The following PLPPR1 variants were observed in gnomAD, a reference collection of about 807,000 sequenced individuals.
PLPPR1 encodes the protein phospholipid phosphatase related 1.
In PLPPR1, 10 loss-of-function variants were observed where a neutral mutation model predicts 33.1. The observed-to-expected ratio is 0.30, with a 90% CI of 0.19 to 0.51. The LOEUF is 0.51. Among genes scored for constraint, PLPPR1 ranks in the 20% least tolerant of loss-of-function variants. The pLI, the probability that PLPPR1 is intolerant of heterozygous loss-of-function variation, is 0.97. For missense variants in PLPPR1, 304 were observed against 408.1 expected (o/e 0.74, Z 2.20); for synonymous variants, 151 against 151.0 (o/e 1.00, Z 0.00).
intron 1 of PLPPR1, among the ~76,000 whole-genome samples, chr9:101,101,629 G>T (rs191180440): frequency 2.6e-5 from 4 of 152,052 alleles, no homozygotes; most frequent in Non-Finnish European, 5.9e-5. Flanking sequence ...TGAATAAATG[G>T]AATAAAAGGA....
intron 6 of PLPPR1, among the ~76,000 whole-genome samples, chr9:101,316,156 C>A (rs116366045): frequency 6.6e-6 from 1 of 152,004 alleles, no homozygotes; most frequent in African/African-American, 2.4e-5. Context: ...GTGTAGGGTC[C>A]TCGGGCGCGG....
chr9:101,069,659 T>C (rs1830460404), intron 1 of PLPPR1, among the ~76,000 whole-genome samples: 1 of 152,104 alleles, frequency 6.6e-6, no homozygotes, highest in Non-Finnish European at 1.5e-5. Context: ...AAGGCAGGTA[T>C]TTAAAAGTTC....
At position 101,224,520 on chromosome 9, in the gene PLPPR1, C is replaced by T. The variant is rs374029070; in HGVS notation, c.63+38963C>T. On this transcript the variant is annotated intron_variant, in intron 2 of 7. Transcript: ENST00000374874. ...GGGCATCGTGGTGACGGTTTCACTT[C>T]GGAAAGAAAACACACTATGAGCTCT... 2.9e-4 allele frequency among the ~76,000 whole-genome samples: 44 copies of T among 152,158 alleles called. 1 individual carries two copies. The South Asian group carries it at 3.3e-3, about 11-fold the overall frequency.
chr9:101,214,690 G>A (rs561404773), intron 2 of PLPPR1, among the ~76,000 whole-genome samples: 1 of 152,256 alleles, frequency 6.6e-6, no homozygotes, highest in South Asian at 2.1e-4. Context: ...AATAAACATT[G>A]GAAAGAATCA....
intron 2 of PLPPR1, among the ~76,000 whole-genome samples, chr9:101,214,771 C>T (rs1826755274): frequency 6.6e-6 from 1 of 151,962 alleles, no homozygotes; most frequent in African/African-American, 2.4e-5. Context: ...GCCTGTAATC[C>T]CAGCACTTGG....
At chr9:101,214,723 T>C (rs1826754465) in intron 2 of PLPPR1, among the ~76,000 whole-genome samples, 1 of 152,126 alleles carries the variant, frequency 6.6e-6, no homozygotes, top group Non-Finnish European at 1.5e-5. Context: ...ACTTTATAGC[T>C]TGAAAAGCTA....
chr9:101,069,116 A>G (rs1049897171), intron 1 of PLPPR1, among the ~76,000 whole-genome samples: 3 of 138,556 alleles, frequency 2.2e-5, no homozygotes, highest in African/African-American at 8.4e-5. Flanking sequence ...AAAGCAAGAA[A>G]ACAAACCAGC....
chr9:101,267,482 A>G (rs80118595), intron 2 of PLPPR1, among the ~76,000 whole-genome samples: 365 of 152,338 alleles, frequency 2.4e-3, no homozygotes, highest in Non-Finnish European at 3.7e-3. Context: ...AACACATGGA[A>G]GTGTCCAGAG....
At chr9:101,109,141 T>G (rs1389515516) in intron 1 of PLPPR1, among the ~76,000 whole-genome samples, 2 of 147,114 alleles carry the variant, frequency 1.4e-5, no homozygotes, top group Non-Finnish European at 3.0e-5. Flanking sequence ...TGTATTTTTT[T>G]TTTTTTTTTT....
intron 1 of PLPPR1, among the ~76,000 whole-genome samples, chr9:101,096,789 G>A (rs10819897): frequency 0.41 from 61,597 of 151,976 alleles, 12,824 homozygotes; most frequent in Non-Finnish European, 0.46. Context: ...AGCTGGCCAG[G>A]CACAGTGGTT....
intron 1 of PLPPR1, among the ~76,000 whole-genome samples, chr9:101,128,146 G>A (rs1442821065): frequency 6.6e-6 from 1 of 152,068 alleles, no homozygotes; most frequent in Non-Finnish European, 1.5e-5. Context: ...GGGGAACATG[G>A]GCTCTGTGTC....
intron 2 of PLPPR1, among the ~76,000 whole-genome samples, chr9:101,241,048 A>G (rs1416673986): frequency 2.0e-5 from 3 of 152,120 alleles, no homozygotes; most frequent in African/African-American, 7.2e-5. Flanking sequence ...TTTTGCTACC[A>G]TGTCTTCAAA....
intron 3 of PLPPR1, among the ~76,000 whole-genome samples, chr9:101,270,296 GT>G (rs33958406): frequency 0.055 from 8,254 of 151,422 alleles, 709 homozygotes; most frequent in African/African-American, 0.19. Context: ...TTAAAAAGAT[GT>G]TTTTTTTTAA....
intron 1 of PLPPR1, among the ~76,000 whole-genome samples, chr9:101,145,997 T>C (rs1225432871): frequency 6.6e-6 from 1 of 152,110 alleles, no homozygotes; most frequent in Non-Finnish European, 1.5e-5. Context: ...GCTTGGGTGA[T>C]AGAGCAACAG....
At chr9:101,200,872 AG>A (rs1464892553) in intron 2 of PLPPR1, among the ~76,000 whole-genome samples, 1 of 152,234 alleles carries the variant, frequency 6.6e-6, no homozygotes, top group Non-Finnish European at 1.5e-5. Context: ...ACAGAAAAAA[AG>A]TAAAGACTCA....
intron 2 of PLPPR1, among the ~76,000 whole-genome samples, chr9:101,248,955 A>G (rs1827663034): frequency 6.6e-6 from 1 of 152,082 alleles, no homozygotes; most frequent in Non-Finnish European, 1.5e-5. Context: ...CTTCCTACCA[A>G]AATACATCTG....
In PLPPR1 at chr9:101,173,861, C is replaced by T. The variant is rs377139877; in HGVS notation, c.-45-11589C>T. On this transcript the variant is annotated intron_variant, in intron 1 of 7. Coordinates refer to ENST00000374874, the MANE Select transcript of PLPPR1 (RefSeq NM_207299.2). ...CTATTGGCATTTTGAGGATAGAAGC[C>T]GGCAATATTACTAAACATCCAGCAA... Among the ~76,000 whole-genome samples the T allele has an allele frequency of 6.2e-4, 95 of 152,122 alleles. 1 individual carries two copies. The highest frequency in any genetic ancestry group is 2.1e-3 in the African/African-American group (86 of 41,510).
At chr9:101,039,243 T>C (rs1487177304) in intron 1 of PLPPR1, among the ~76,000 whole-genome samples, 4 of 152,180 alleles carry the variant, frequency 2.6e-5, no homozygotes, top group Admixed American at 2.6e-4. Flanking sequence ...GGCTGAGCTC[T>C]GCCATCCACT....
At chr9:101,322,942 A>G (rs1440821586) in intron 7 of PLPPR1, among the ~76,000 whole-genome samples, 1 of 152,212 alleles carries the variant, frequency 6.6e-6, no homozygotes, top group Admixed American at 6.5e-5. Context: ...TGTATTATGT[A>G]AGCCACATTT....
Sources: allele counts gnomAD v4.1 joint callset (sites outside exome capture counted in the v4.1 genomes callset), GRCh38; gene constraint gnomAD v4.1.1; transcripts MANE v1.5; gene names NCBI Gene and HGNC (gene_info 2026-07-23, HGNC 2026-07-21).